GLIS3: variants seen among roughly 807,000 people sequenced by gnomAD.
The protein encoded by GLIS3 is zinc finger protein GLIS3.
GLIS3 carries 53 observed loss-of-function variants against 78.6 expected under a neutral mutation model. That is an observed-to-expected ratio of 0.67 (90% CI 0.54 to 0.85). The LOEUF is 0.85. Among genes scored for constraint, GLIS3 ranks in the 40% least tolerant of loss-of-function variants. The pLI is 0.00. For missense variants in GLIS3, 1,703 were observed against 1,231.1 expected (o/e 1.38, Z -5.74); for synonymous variants, 684 against 509.9 (o/e 1.34, Z -4.60).
intron 4 of GLIS3, among the ~76,000 whole-genome samples, chr9:4,072,284 G>A (rs893650637): frequency 7.9e-5 from 12 of 152,070 alleles, no homozygotes; most frequent in African/African-American, 1.7e-4. Context: ...ACTCAAACCC[G>A]TCAAAGATGG....
rs928981519 is a variant in GLIS3, at chr9:4,320,896, T to A, written n.265-10368A>T. ...ATCATTACACTGAAGGCAGGTAAGT[T>A]TTTTCAAAATGCAAGTTTTGAAAGT... On this transcript the variant is annotated intron_variant and non_coding_transcript_variant, in intron 2 of 4. Coordinates refer to the GLIS3 transcript ENST00000471664. 2.6e-5 allele frequency among the ~76,000 whole-genome samples: 4 copies of A among 152,052 alleles called. No homozygotes were observed. In the East Asian group the frequency reaches 7.8e-4, roughly 30 times the overall value.
intron 2 of GLIS3, among the ~76,000 whole-genome samples, chr9:4,314,622 C>G (rs1343430351): frequency 6.6e-6 from 1 of 152,206 alleles, no homozygotes; most frequent in African/African-American, 2.4e-5. Flanking sequence ...TCTTTCATAT[C>G]TTCTCTAGTT....
chr9:4,187,111 G>T (rs1817877577), intron 2 of GLIS3, among the ~76,000 whole-genome samples: 1 of 152,110 alleles, frequency 6.6e-6, no homozygotes, highest in South Asian at 2.1e-4. Context: ...TTTTCTTCCA[G>T]GGTTTTTATG....
rs569317345 is a variant in GLIS3 at position 4,150,681 on chromosome 9, C to T, written c.389-24740G>A. Among the ~76,000 whole-genome samples, 4 of 152,286 alleles carry T rather than the reference C, an allele frequency of 2.6e-5. No homozygotes were observed. The East Asian group carries it at 7.7e-4, about 29-fold the overall frequency. ...CTCATAAGAAAAAGATGTATCTCTG[C>T]CCCCACCATGCTTTGAATTCATAGA... On this transcript the variant is annotated intron_variant, in intron 2 of 10. Coordinates refer to ENST00000381971, the MANE Select transcript of GLIS3 (RefSeq NM_001042413.2).
At chr9:4,354,086 T>C in the GLIS3 span, among the ~76,000 whole-genome samples, 1 of 151,276 alleles carries the variant, frequency 6.6e-6, no homozygotes, top group African/African-American at 2.4e-5. Context: ...TCCGCCTGCC[T>C]CAGCCTCCCA....
intron 2 of GLIS3, among the ~76,000 whole-genome samples, chr9:4,227,850 A>G (rs1197928082): frequency 6.6e-6 from 1 of 152,244 alleles, no homozygotes; most frequent in Admixed American, 6.5e-5. Flanking sequence ...ATAGAATGAA[A>G]TGTTCTTCAC....
At chr9:4,132,352 A>C (rs929023240) in intron 2 of GLIS3, among the ~76,000 whole-genome samples, 1 of 152,198 alleles carries the variant, frequency 6.6e-6, no homozygotes, top group Non-Finnish European at 1.5e-5. Flanking sequence ...TCACCTTAGC[A>C]GGGCATGTTT....
upstream of GLIS3, among the ~76,000 whole-genome samples, chr9:4,303,030 T>G (rs1408712759): frequency 1.3e-5 from 2 of 152,144 alleles, no homozygotes; most frequent in Non-Finnish European, 2.9e-5. Flanking sequence ...AATAGGAACA[T>G]CCACTGTCTC....
chr9:3,976,354 CTG>C (rs749399796), intron 4 of GLIS3, among the ~76,000 whole-genome samples: 10 of 152,096 alleles, frequency 6.6e-5, no homozygotes, highest in Admixed American at 2.6e-4. Context: ...CTTCCAAAAT[CTG>C]TGTTACTGCT....
chr9:4,229,362 A>G (rs1245903769), intron 2 of GLIS3, among the ~76,000 whole-genome samples: 3 of 152,272 alleles, frequency 2.0e-5, no homozygotes, highest in Non-Finnish European at 2.9e-5. Context: ...ATATTAAACT[A>G]TTGTACATAA....
In GLIS3 at chr9:4,346,031, CAAAA is replaced by C. The variant is rs1230313610; in HGVS notation, n.264+1046_264+1049del. On this transcript the variant is annotated intron_variant and non_coding_transcript_variant, in intron 2 of 4. Transcript: ENST00000471664. ...TTTCAAATCAGTGAGATCTAGGAGACAAAAAATAAATACAGACACAGAAGAACTA... is the reference window on the plus strand; with the variant it reads ...TTTCAAATCAGTGAGATCTAGGAGACAATAAATACAGACACAGAAGAACTA... 4.0e-5 allele frequency among the ~76,000 whole-genome samples: 6 copies of C among 151,752 alleles called. No homozygotes were observed. The East Asian group carries it at 1.2e-3, about 29-fold the overall frequency.
At chr9:3,991,412 TAAAAC>T (rs1820223244) in intron 4 of GLIS3, among the ~76,000 whole-genome samples, 1 of 151,986 alleles carries the variant, frequency 6.6e-6, no homozygotes, top group Non-Finnish European at 1.5e-5. Context: ...ACAGCATAAA[TAAAAC>T]AAAATGAATC....
chr9:3,888,701 G>GACC (rs1336554021), intron 7 of GLIS3, among the ~76,000 whole-genome samples: 1 of 152,138 alleles, frequency 6.6e-6, no homozygotes, highest in Non-Finnish European at 1.5e-5. Flanking sequence ...TTCACACTCT[G>GACC]ACCACAATCT....
intron 7 of GLIS3, among the ~76,000 whole-genome samples, chr9:3,881,006 G>A (rs552559859): frequency 8.5e-5 from 13 of 152,264 alleles, no homozygotes; most frequent in East Asian, 3.9e-4. Flanking sequence ...TGTTGTGTGC[G>A]TCAGCTTCCA....
At chr9:4,011,360 G>A (rs966557230) in intron 4 of GLIS3, among the ~76,000 whole-genome samples, 2 of 152,184 alleles carry the variant, frequency 1.3e-5, no homozygotes, top group African/African-American at 4.8e-5. Flanking sequence ...TAAAATGGAA[G>A]ATGAAAACAG....
intron 2 of GLIS3, among the ~76,000 whole-genome samples, chr9:4,218,384 T>A (rs1482255191): frequency 6.6e-6 from 1 of 152,168 alleles, no homozygotes; most frequent in Non-Finnish European, 1.5e-5. Flanking sequence ...GTTCACGCCA[T>A]TCTCCTGCCT....
chr9:4,099,004 G>C (rs1050005464), intron 4 of GLIS3, among the ~76,000 whole-genome samples: 4 of 152,126 alleles, frequency 2.6e-5, no homozygotes, highest in African/African-American at 9.7e-5. Context: ...AATGTGTCCC[G>C]AAGACACATC....
At chr9:3,992,978 A>C (rs1167127944) in intron 4 of GLIS3, among the ~76,000 whole-genome samples, 2 of 152,216 alleles carry the variant, frequency 1.3e-5, no homozygotes, top group Non-Finnish European at 2.9e-5. Flanking sequence ...CATGGAGCCA[A>C]CCAGCTAAGG....
chr9:4,122,321 T>C (rs1003149166), intron 3 of GLIS3, among the ~76,000 whole-genome samples: 1 of 152,230 alleles, frequency 6.6e-6, no homozygotes, highest in African/African-American at 2.4e-5. Flanking sequence ...CTAGTCTATC[T>C]GGAAATTCGT....
Sources: allele counts gnomAD v4.1 joint callset (sites outside exome capture counted in the v4.1 genomes callset), GRCh38; gene constraint gnomAD v4.1.1; transcripts MANE v1.5; gene names NCBI Gene and HGNC (gene_info 2026-07-23, HGNC 2026-07-21).